NT5DC1: variants seen among roughly 807,000 people sequenced by gnomAD.
NT5DC1 encodes 5'-nucleotidase domain containing 1.
A neutral mutation model predicts 59.4 loss-of-function variants in NT5DC1; 42 were observed. The ratio of observed to expected loss-of-function variants is 0.71; its 90% CI spans 0.55 to 0.92. The LOEUF is 0.92. Ranked by LOEUF, NT5DC1 falls within the 40% of genes least tolerant of loss-of-function variation. The pLI is 0.00. For missense variants in NT5DC1, 501 were observed against 537.1 expected, an observed-to-expected ratio of 0.93 and a Z score of 0.66; for synonymous variants, 172 against 188.1, an observed-to-expected ratio of 0.91 and a Z score of 0.70.
At chr6:116,191,814 G>C (rs1011393498) in intron 6 of NT5DC1, among the ~76,000 whole-genome samples, 25 of 151,904 alleles carry the variant, frequency 1.6e-4, no homozygotes, top group Admixed American at 6.6e-5. Flanking sequence ...TTATATATTT[G>C]TATTCCCCAA....
At chr6:116,133,925 G>GT (rs768451269) in intron 6 of NT5DC1, among the ~76,000 whole-genome samples, 8 of 152,218 alleles carry the variant, frequency 5.3e-5, no homozygotes, top group South Asian at 2.1e-4. Context: ...ATTAATAGTG[G>GT]TTTTTTTCCC....
At position 116,128,185 on chromosome 6, in the gene NT5DC1, G is replaced by T. The variant is rs150160529; in HGVS notation, c.529+10240G>T. The stretch of plus-strand genomic sequence containing the variant: ...CTCCCCTTTAGTTTTGGAAAATGTG[G>T]TGTCCTTATTGAATAAGCCTTGGAC... On this transcript the variant is annotated intron_variant, in intron 6 of 11. Transcript: ENST00000319550. Among the ~76,000 whole-genome samples the T allele has an allele frequency of 1.0e-2, 1,517 of 152,206 alleles. 13 individuals carry two copies. Among genetic ancestry groups the T allele is most frequent in the Non-Finnish European group, 0.015 (1,036 of 68,002 alleles).
Position 116,244,804 on chromosome 6 carries a change from A to T in NT5DC1, c.*780A>T, listed in dbSNP as rs1464311157. ...TGGAAAAAAGATGATCTAGAAGTCA[A>T]CTATCTCAACCTCCATTGTTACCCA... On this transcript the variant is annotated 3_prime_UTR_variant, in exon 12 of 12. Transcript: ENST00000319550. 2 of 152,222 alleles carry T rather than the reference A, an allele frequency of 1.3e-5. No homozygotes were observed. Among genetic ancestry groups the T allele is most frequent in the Non-Finnish European group, 2.9e-5 (2 of 68,026 alleles). 9.4% of individuals were successfully genotyped at this position (152,222 alleles called of 1,614,324 possible).
chr6:116,230,940 C>A (rs1204811), intron 8 of NT5DC1, among the ~76,000 whole-genome samples: 2 of 151,512 alleles, frequency 1.3e-5, no homozygotes, highest in African/African-American at 4.9e-5. Flanking sequence ...ACCCCATCTC[C>A]ACTAAAAGTA....
At position 116,243,922 on chromosome 6, in the gene NT5DC1, C is replaced by CTG; in HGVS notation, c.1267_1268insGT (p.Tyr423CysfsTer31). The stretch of plus-strand genomic sequence containing the variant: ...TTTCCTCCCCAGAATTACCTCTGGA[C>CTG]TACAAATTTACAAGATTCTCTTCAA... On this transcript the variant is annotated frameshift_variant, in exon 12 of 12. Transcript: ENST00000319550. LOFTEE classifies it high-confidence loss of function. 1 of 1,500,666 alleles carries CTG rather than the reference C, an allele frequency of 6.7e-7. No homozygotes were observed. The highest frequency in any genetic ancestry group is 1.4e-5 in the African/African-American group (1 of 72,398). 93.0% of individuals were successfully genotyped at this position (1,500,666 alleles called of 1,614,324 possible).
At chr6:116,186,782 T>A (rs1781009890) in intron 6 of NT5DC1, among the ~76,000 whole-genome samples, 1 of 152,036 alleles carries the variant, frequency 6.6e-6, no homozygotes. Flanking sequence ...TTCATTCGTA[T>A]CCTGTATCAT....
At chr6:116,193,330 G>A (rs1018889268) in intron 6 of NT5DC1, among the ~76,000 whole-genome samples, 1 of 151,988 alleles carries the variant, frequency 6.6e-6, no homozygotes, top group Non-Finnish European at 1.5e-5. Context: ...AAAAAATTAG[G>A]ATGTTTTACT....
At chr6:116,241,010 A>G (rs1204819) in intron 11 of NT5DC1, among the ~76,000 whole-genome samples, 113,305 of 151,828 alleles carry the variant, frequency 0.75, 43,650 homozygotes, top group East Asian at 1. Context: ...CGGGTGTGGT[A>G]GCAGGTGCCT....
At chr6:116,174,166 C>G (rs1780680405) in intron 6 of NT5DC1, among the ~76,000 whole-genome samples, 1 of 152,126 alleles carries the variant, frequency 6.6e-6, no homozygotes, top group Non-Finnish European at 1.5e-5. Context: ...ACCTTGATTA[C>G]CTGACCAACA....
intron 6 of NT5DC1, among the ~76,000 whole-genome samples, chr6:116,149,501 T>G (rs1263801466): frequency 6.6e-6 from 1 of 152,174 alleles, no homozygotes; most frequent in African/African-American, 2.4e-5. Flanking sequence ...GATAAGTAAC[T>G]TGAGTCTGAG....
chr6:116,221,279 A>C (rs1201924203), intron 7 of NT5DC1, 51 bp downstream of exon 7: 2 of 1,050,464 alleles, frequency 1.9e-6, no homozygotes, highest in African/African-American at 3.2e-5. Context: ...ACAGATAGCA[A>C]ATTAGACCAG....
intron 6 of NT5DC1, among the ~76,000 whole-genome samples, chr6:116,168,706 T>G (rs1032786884): frequency 6.6e-6 from 1 of 152,178 alleles, no homozygotes; most frequent in African/African-American, 2.4e-5. Context: ...ATTGTTTTTT[T>G]TAATTTTATA....
At chr6:116,113,821 G>A (rs1257811028) in intron 4 of NT5DC1, among the ~76,000 whole-genome samples, 1 of 152,204 alleles carries the variant, frequency 6.6e-6, no homozygotes, top group Non-Finnish European at 1.5e-5. Context: ...AGAAAAGCAA[G>A]GGTATGTAAC....
rs961564189 is a variant in NT5DC1 at position 116,247,646 on chromosome 6, CT to C, written c.*3626del. On this transcript the variant is annotated 3_prime_UTR_variant, in exon 12 of 12. Coordinates refer to ENST00000319550, the MANE Select transcript of NT5DC1 (RefSeq NM_152729.3). ...TGTACCATGTACCTGTTCACAGACT[CT>C]TTTCAAAAAACAAGTTTATTTTACT... 6.6e-6 allele frequency: 1 copy of C among 152,096 alleles called. No individual in the cohort carries two copies. The highest frequency in any genetic ancestry group is 2.4e-5 in the African/African-American group (1 of 41,428). The allele number at this position is 152,096 out of a possible 1,614,324, so 9.4% of individuals were successfully genotyped here.
chr6:116,138,882 T>C (rs1053035135), intron 6 of NT5DC1, among the ~76,000 whole-genome samples: 2 of 152,180 alleles, frequency 1.3e-5, no homozygotes, highest in Non-Finnish European at 2.9e-5. Flanking sequence ...GTCTTGCTTT[T>C]GGTTTGATTT....
At chr6:116,102,316 AT>A (rs1247350081) in intron 1 of NT5DC1, among the ~76,000 whole-genome samples, 2 of 151,906 alleles carry the variant, frequency 1.3e-5, no homozygotes, top group Non-Finnish European at 2.9e-5. Flanking sequence ...CAGATGCTAA[AT>A]TTTTTTTTAA....
chr6:116,183,282 T>C (rs1489952198), intron 6 of NT5DC1, among the ~76,000 whole-genome samples: 4 of 152,128 alleles, frequency 2.6e-5, no homozygotes, highest in Non-Finnish European at 5.9e-5. Flanking sequence ...TATGGCCTTA[T>C]AGTATAGTTC....
At chr6:116,213,903 A>G (rs1013426578) in intron 6 of NT5DC1, among the ~76,000 whole-genome samples, 6 of 151,698 alleles carry the variant, frequency 4.0e-5, no homozygotes, top group African/African-American at 1.2e-4. Flanking sequence ...CTTTACCCAC[A>G]CTACTTTTTT....
At chr6:116,172,945 A>G (rs1411610070) in intron 6 of NT5DC1, among the ~76,000 whole-genome samples, 1 of 152,192 alleles carries the variant, frequency 6.6e-6, no homozygotes, top group Non-Finnish European at 1.5e-5. Context: ...GTGGATAACC[A>G]ATTAGGATAA....
Sources: allele counts gnomAD v4.1 joint callset (sites outside exome capture counted in the v4.1 genomes callset), GRCh38; gene constraint gnomAD v4.1.1; transcripts MANE v1.5; gene names NCBI Gene and HGNC (gene_info 2026-07-23, HGNC 2026-07-21).